Variants in FXYD7 observed in about 807,000 individuals in gnomAD.
FXYD7 encodes the protein FXYD domain-containing ion transport regulator 7.
FXYD7 carries 7 observed loss-of-function variants against 15.3 expected under a neutral mutation model. The observed-to-expected ratio is 0.46, with a 90% CI of 0.26 to 0.86. The LOEUF is 0.86. Ranked by LOEUF, FXYD7 falls within the 40% of genes least tolerant of loss-of-function variation. The pLI is 0.16. For synonymous variants in FXYD7, 39 were observed against 39.3 expected (o/e 0.99, Z 0.03); for missense variants, 78 against 100.6 (o/e 0.78, Z 0.96).
intron 1 of FXYD7, among the ~76,000 whole-genome samples, chr19:35,147,015 A>T (rs1336518381): frequency 2.6e-5 from 4 of 152,230 alleles, no homozygotes; most frequent in Admixed American, 2.6e-4. Context: ...AATAGTACCA[A>T]AAGTCTCAGG....
chr19:35,143,365 G>A lies in FXYD7; in HGVS notation c.31+1G>A, dbSNP rs1359729204. 6.6e-7 allele frequency: 1 copy of A among 1,516,788 alleles called. No homozygotes were observed. The highest frequency in any genetic ancestry group is 1.4e-5 in the African/African-American group (1 of 69,558). The allele number at this position is 1,516,788 out of a possible 1,614,324, so 94.0% of individuals were successfully genotyped here. A position where few individuals can be genotyped will look rare whatever the true frequency, so the allele number is the denominator to read the frequency against. On this transcript the variant is annotated splice_donor_variant, in intron 1 of 5. Coordinates refer to ENST00000270310, the MANE Select transcript of FXYD7 (RefSeq NM_022006.2). LOFTEE classifies it high-confidence loss of function. This position sits in a 1 kb window ranked among gnomAD's most constrained non-coding sequence, Gnocchi z 4.3. ...ACCCCGACCCAGACCCCCACAAAGG[G>A]TGAGCGTCGTTTGGGGAGGGGGTTG...
intron 1 of FXYD7, among the ~76,000 whole-genome samples, chr19:35,145,769 G>C (rs114164486): frequency 6.6e-6 from 1 of 152,120 alleles, no homozygotes. Context: ...TTCCTTAAAA[G>C]GATTAGCTTT....
At chr19:35,148,026 G>GGAAGAAAGAAAGAAAGAAA (rs2065294771) in intron 1 of FXYD7, among the ~76,000 whole-genome samples, 1 of 88,492 alleles carries the variant, frequency 1.1e-5, no homozygotes, top group Non-Finnish European at 2.2e-5. Flanking sequence ...GAAGAAAGAA[G>GGAAGAAAGAAAGAAAGAAA]GAAAGAAAGA....
chr19:35,143,298 G>GCCAAAGCATC lies in FXYD7; in HGVS notation c.-34_-25dup. ...CCAGCTGCTGCAGCGCGCCTTCGCC[G>GCCAAAGCATC]CCAAAGCATCCAGCAGCCCCCTGCT... On this transcript the variant is annotated 5_prime_UTR_variant, in exon 1 of 6. Transcript: ENST00000270310. This position sits in a 1 kb window ranked among gnomAD's most constrained non-coding sequence, Gnocchi z 4.3. 4 of 1,531,826 alleles carry GCCAAAGCATC rather than the reference G, an allele frequency of 2.6e-6. No individual in the cohort carries two copies. The highest frequency in any genetic ancestry group is 2.6e-6 in the Non-Finnish European group (3 of 1,137,648). 94.9% of individuals were successfully genotyped at this position (1,531,826 alleles called of 1,614,324 possible).
rs910183506 is a variant in FXYD7, at chr19:35,151,465, G to A, written c.162G>A (p.Ala54=). The change falls in exon 4 of 6, where the codon GCG becomes GCA. Residue 54 remains alanine (A), a synonymous_variant. Transcript: ENST00000270310. ...GCAAGAAGGTGAAGTGCAGGAAGGC[G>A]GACTCCAGGTCTGAGAGGTCTGGCA... ...VISKKVKCRK[A]DSRSESPTCK... is the part of the protein sequence containing the mutation. The A allele has an allele frequency of 9.9e-6, 16 of 1,614,164 alleles. No homozygotes were observed. The highest frequency in any genetic ancestry group is 3.3e-5 in the South Asian group (3 of 91,086).
At chr19:35,150,248 T>A (rs2145398032) in intron 2 of FXYD7, among the ~76,000 whole-genome samples, 1 of 152,198 alleles carries the variant, frequency 6.6e-6, no homozygotes, top group East Asian at 1.9e-4. Flanking sequence ...AATTTAAAAA[T>A]TAGCTGGGCA....
intron 1 of FXYD7, among the ~76,000 whole-genome samples, chr19:35,144,685 G>T (rs573596870): frequency 1.3e-5 from 2 of 150,756 alleles, no homozygotes; most frequent in South Asian, 2.1e-4. Flanking sequence ...ACCCTAGGGA[G>T]GGGGGCAGGG....
chr19:35,143,369 G>T lies in FXYD7; in HGVS notation c.31+5G>T. 2 of 1,514,454 alleles carry T rather than the reference G, an allele frequency of 1.3e-6. No homozygotes were observed. Among genetic ancestry groups the T allele is most frequent in the Non-Finnish European group, 1.8e-6 (2 of 1,133,180 alleles). 93.8% of individuals were successfully genotyped at this position (1,514,454 alleles called of 1,614,324 possible). ...CGACCCAGACCCCCACAAAGGGTGA[G>T]CGTCGTTTGGGGAGGGGGTTGCAGG... On this transcript the variant is annotated splice_donor_5th_base_variant and intron_variant, in intron 1 of 5. Transcript: ENST00000270310. This position sits in a 1 kb window ranked among gnomAD's most constrained non-coding sequence, Gnocchi z 4.3.
intron 2 of FXYD7, among the ~76,000 whole-genome samples, chr19:35,150,836 A>G (rs958521542): frequency 4.6e-5 from 7 of 152,104 alleles, no homozygotes; most frequent in Non-Finnish European, 1.0e-4. Context: ...AGCAGAGGAG[A>G]AACCAGATCT....
chr19:35,145,740 T>A (rs1462135646), intron 1 of FXYD7, among the ~76,000 whole-genome samples: 1 of 152,230 alleles, frequency 6.6e-6, no homozygotes, highest in African/African-American at 2.4e-5. Flanking sequence ...TTCCTCACAC[T>A]GCTATTTATT....
intron 2 of FXYD7, chr19:35,148,939 A>T: frequency 1.5e-6 from 1 of 683,428 alleles, no homozygotes; most frequent in Non-Finnish European, 2.7e-6. Flanking sequence ...AGCCCCCTTC[A>T]GGTCTCACCG....
intron 1 of FXYD7, 42 bp from the exon 2 acceptor site, chr19:35,148,652 G>GTTTTTTTTTTTTTT (rs770542537): frequency 7.4e-7 from 1 of 1,356,798 alleles, no homozygotes; most frequent in Non-Finnish European, 9.9e-7. Flanking sequence ...ACACTGTTAA[G>GTTTTTTTTTTTTTT]TTTTTTTTTT....
intron 5 of FXYD7, among the ~76,000 whole-genome samples, chr19:35,153,072 T>C (rs1454649126): frequency 7.8e-6 from 1 of 127,552 alleles, no homozygotes; most frequent in Admixed American, 9.6e-5. Flanking sequence ...TGAGACAGAG[T>C]CTTGCTGTGT....
At chr19:35,148,089 A>AAGAGAGAG (rs1406485673) in intron 1 of FXYD7, among the ~76,000 whole-genome samples, 3 of 121,030 alleles carry the variant, frequency 2.5e-5, no homozygotes, top group African/African-American at 6.2e-5. Context: ...GAAAGAAAGA[A>AAGAGAGAG]AGAAAGAGAG....
In FXYD7 at chr19:35,151,449, T is replaced by C; in HGVS notation, c.146T>C (p.Val49Ala). Residue 49 changes from valine to alanine, a missense_variant, in exon 4 of 6, where the codon GTG (valine) becomes GCG (alanine). Val to Ala is a moderately conservative substitution (Grantham distance 64, BLOSUM62 0). Transcript: ENST00000270310. The part of the protein sequence containing the change: ...LGILIVISKK[V>A]KCRKADSRSE... ...CTCTCTCTCCCAACAGGCAAGAAGGTGAAGTGCAGGAAGGCGGACTCCAGG... is the reference window on the plus strand; with the variant it reads ...CTCTCTCTCCCAACAGGCAAGAAGGCGAAGTGCAGGAAGGCGGACTCCAGG... 1 of 1,613,962 alleles carries C rather than the reference T, an allele frequency of 6.2e-7. No homozygotes were observed. The highest frequency in any genetic ancestry group is 8.5e-7 in the Non-Finnish European group (1 of 1,179,982).
At chr19:35,149,168 T>A in intron 2 of FXYD7, 1 of 395,200 alleles carries the variant, frequency 2.5e-6, no homozygotes, top group Non-Finnish European at 5.1e-6. Context: ...ACCTGACTGG[T>A]GGCATTAAAT....
chr19:35,152,558 C>G (rs1282973072), intron 5 of FXYD7, among the ~76,000 whole-genome samples: 1 of 151,968 alleles, frequency 6.6e-6, no homozygotes, highest in Non-Finnish European at 1.5e-5. Context: ...TTTTAGAATT[C>G]ACATTGGAAA....
Position 35,146,379 on chromosome 19 carries a change from C to T in FXYD7, c.32-2315C>T, listed in dbSNP as rs189838314. On this transcript the variant is annotated intron_variant, in intron 1 of 5. Coordinates refer to ENST00000270310, the MANE Select transcript of FXYD7 (RefSeq NM_022006.2). ...GTCTCAAACTCCTGACCTCGTGATC[C>T]GCCCACCTTGTATTCCCAAAGTGCT... is the stretch of plus-strand genomic sequence containing the variant. Among the ~76,000 whole-genome samples, 617 of 152,228 alleles carry T rather than the reference C, an allele frequency of 4.1e-3. 5 individuals are homozygous for T. Among genetic ancestry groups the T allele is most frequent in the African/African-American group, 0.014 (586 of 41,514 alleles).
chr19:35,151,468 C>T lies in FXYD7; in HGVS notation c.165C>T (p.Asp55=). The change falls in exon 4 of 6, where the codon GAC becomes GAT. Residue 55 remains aspartate (D), a synonymous_variant. Transcript: ENST00000270310. ...AGAAGGTGAAGTGCAGGAAGGCGGA[C>T]TCCAGGTCTGAGAGGTCTGGCAGCA... ...ISKKVKCRKA[D]SRSESPTCKS... The T allele has an allele frequency of 6.2e-7, 1 of 1,614,150 alleles. No homozygotes were observed. The highest frequency in any genetic ancestry group is 1.6e-4 in the Middle Eastern group (1 of 6,062).
Sources: gnomAD v4.1 joint callset for allele counts (sites outside exome capture counted in the v4.1 genomes callset) on GRCh38, gnomAD v4.1.1 for gene constraint, Gnocchi (gnomAD v3.1) non-coding constraint, MANE v1.5 for transcripts, NCBI Gene and HGNC (gene_info 2026-07-23, HGNC 2026-07-21) for gene names.